COL5A2: variants seen among roughly 807,000 people sequenced by gnomAD.
COL5A2 encodes collagen type V alpha 2 chain.
In COL5A2, 23 loss-of-function variants were observed where a neutral mutation model predicts 208.2. That is an observed-to-expected ratio of 0.11 (90% CI 0.08 to 0.16). The LOEUF (loss-of-function observed/expected upper bound fraction) is 0.16. Ranked by LOEUF, COL5A2 falls within the 10% of genes least tolerant of loss-of-function variation. The probability of loss-of-function intolerance (pLI) is 1.00; values close to 1 mark genes in which losing one functional copy is unlikely to be tolerated. For synonymous variants in COL5A2, 625 were observed against 628.5 expected (o/e 0.99, Z 0.08); for missense variants, 1,590 against 1,956.4 (o/e 0.81, Z 3.53).
intron 1 of COL5A2, among the ~76,000 whole-genome samples, chr2:189,124,732 CTT>C (rs74268947): frequency 6.8e-5 from 9 of 132,750 alleles, no homozygotes; most frequent in African/African-American, 8.2e-5. Context: ...ACTGTGTTTT[CTT>C]TTTTTTTTTT....
chr2:189,395,096 A>C, the COL5A2 span, among the ~76,000 whole-genome samples: 1 of 152,204 alleles, frequency 6.6e-6, no homozygotes, highest in Non-Finnish European at 1.5e-5. Flanking sequence ...TTCAGTCAAT[A>C]AAATTACTTC....
the COL5A2 span, among the ~76,000 whole-genome samples, chr2:189,321,643 C>T: frequency 6.6e-6 from 1 of 152,198 alleles, no homozygotes; most frequent in Non-Finnish European, 1.5e-5. Flanking sequence ...GCACCCAATA[C>T]AGGAGCACCC....
intron 11 of COL5A2, among the ~76,000 whole-genome samples, chr2:189,084,485 C>A (rs1686607706): frequency 6.6e-6 from 1 of 152,068 alleles, no homozygotes; most frequent in Non-Finnish European, 1.5e-5. Flanking sequence ...GCTCTATGTC[C>A]AAATTCAATG....
chr2:189,134,508 G>C (rs1355588396), intron 1 of COL5A2, among the ~76,000 whole-genome samples: 1 of 152,172 alleles, frequency 6.6e-6, no homozygotes, highest in African/African-American at 2.4e-5. Flanking sequence ...AGAATCGCTT[G>C]AACTCGGATG....
chr2:189,208,174 C>T (rs142894759), intron 1 of COL5A2, among the ~76,000 whole-genome samples: 161 of 152,276 alleles, frequency 1.1e-3, no homozygotes, highest in African/African-American at 3.0e-3. Context: ...CCCCTCCAAC[C>T]CACCCTCCTT....
the COL5A2 span, among the ~76,000 whole-genome samples, chr2:189,420,774 T>A: frequency 6.6e-6 from 1 of 152,210 alleles, no homozygotes; most frequent in South Asian, 2.1e-4. Flanking sequence ...CCATCCTCCA[T>A]CAGCCCCAAC....
At chr2:189,051,559 C>T (rs1249161977) in intron 41 of COL5A2, 78 bp from the exon 42 acceptor site, 2 of 1,338,994 alleles carry the variant, frequency 1.5e-6, no homozygotes, top group African/African-American at 3.0e-5. Flanking sequence ...CGCTGTCTGC[C>T]TCAGATGCAG....
the COL5A2 span, among the ~76,000 whole-genome samples, chr2:189,319,028 A>G: frequency 2.6e-5 from 4 of 152,226 alleles, no homozygotes; most frequent in Non-Finnish European, 5.9e-5. Flanking sequence ...AAGGCTCAAC[A>G]TAACAGCTGC....
chr2:189,323,084 A>C, the COL5A2 span, among the ~76,000 whole-genome samples: 3 of 152,218 alleles, frequency 2.0e-5, no homozygotes, highest in Non-Finnish European at 2.9e-5. Context: ...TGATTATCTC[A>C]ATAGACGCAG....
At chr2:189,270,622 T>C in the COL5A2 span, among the ~76,000 whole-genome samples, 2 of 152,246 alleles carry the variant, frequency 1.3e-5, no homozygotes, top group South Asian at 4.1e-4. Context: ...CTTTTGCGTT[T>C]GCTGAAGAGT....
At chr2:189,418,327 C>A in the COL5A2 span, among the ~76,000 whole-genome samples, 18 of 152,094 alleles carry the variant, frequency 1.2e-4, no homozygotes, top group African/African-American at 4.3e-4. Flanking sequence ...ATGGTGGCAC[C>A]AGTATCTATG....
At chr2:189,248,151 T>C in the COL5A2 span, among the ~76,000 whole-genome samples, 2 of 152,232 alleles carry the variant, frequency 1.3e-5, no homozygotes, top group African/African-American at 4.8e-5. Flanking sequence ...CACAAAACGT[T>C]ATAGTTTCTT....
chr2:189,394,103 T>G, the COL5A2 span, among the ~76,000 whole-genome samples: 1 of 152,196 alleles, frequency 6.6e-6, no homozygotes, highest in Non-Finnish European at 1.5e-5. Flanking sequence ...GCTTGAGTCC[T>G]TTAAGGTCAT....
chr2:189,201,845 C>T (rs1423114241), intron 1 of COL5A2, among the ~76,000 whole-genome samples: 1 of 151,350 alleles, frequency 6.6e-6, no homozygotes, highest in Admixed American at 6.6e-5. Context: ...AAAGTTATCT[C>T]GGAAAAGACA....
chr2:189,114,631 T>TAA lies in COL5A2; in HGVS notation c.98-4184_98-4183dup, dbSNP rs1184564981. 8.1e-3 allele frequency among the ~76,000 whole-genome samples: 999 copies of TAA among 122,912 alleles called. 9 individuals carry two copies. Among genetic ancestry groups the TAA allele is most frequent in the African/African-American group, 0.027 (903 of 33,410 alleles). The allele number at this position is 122,912 out of a possible 152,430, so 80.6% of individuals were successfully genotyped here. A position where few individuals can be genotyped will look rare whatever the true frequency, so the allele number is the denominator to read the frequency against. On this transcript the variant is annotated intron_variant, in intron 1 of 53. Coordinates refer to ENST00000374866, the MANE Select transcript of COL5A2 (RefSeq NM_000393.5). ...AAGCTTAGATTCAAGGCCCAGGACT[T>TAA]AAAAAAAAAAAAAAAAAATGTTTCT... is the stretch of plus-strand genomic sequence containing the variant.
At chr2:189,099,207 T>C (rs1414461237) in intron 4 of COL5A2, among the ~76,000 whole-genome samples, 1 of 152,156 alleles carries the variant, frequency 6.6e-6, no homozygotes, top group Non-Finnish European at 1.5e-5. Flanking sequence ...TAAGCACACA[T>C]AAATGCTTTT....
the COL5A2 span, among the ~76,000 whole-genome samples, chr2:189,284,682 T>C: frequency 3.9e-5 from 6 of 152,258 alleles, no homozygotes; most frequent in East Asian, 1.2e-3. Context: ...ATTGACTAAT[T>C]GACTAATATA....
intron 46 of COL5A2, 83 bp from the exon 47 acceptor site, chr2:189,045,315 T>C (rs1685642341): frequency 3.5e-6 from 3 of 859,260 alleles, no homozygotes; most frequent in Admixed American, 2.1e-5. Context: ...CAACAATACG[T>C]TTATAGTTGG....
chr2:189,187,697 G>A (rs184187235), intron 1 of COL5A2, among the ~76,000 whole-genome samples: 5 of 152,222 alleles, frequency 3.3e-5, no homozygotes, highest in South Asian at 2.1e-4. Context: ...TTGGCCGGGC[G>A]CGGTGGCTCA....
Sources: allele counts gnomAD v4.1 joint callset (sites outside exome capture counted in the v4.1 genomes callset), GRCh38; gene constraint gnomAD v4.1.1; transcripts MANE v1.5; gene names NCBI Gene and HGNC (gene_info 2026-07-23, HGNC 2026-07-21).